The following VDAC1 variants were observed in gnomAD, a reference collection of about 807,000 sequenced individuals.
VDAC1 encodes the protein voltage dependent anion channel 1.
A neutral mutation model predicts 34.7 loss-of-function variants in VDAC1; 10 were observed. The observed-to-expected ratio is 0.29, with a 90% CI of 0.18 to 0.49. The LOEUF is 0.49. Ranked by LOEUF, VDAC1 falls within the 20% of genes least tolerant of loss-of-function variation. The probability of loss-of-function intolerance (pLI) is 0.99; values close to 1 mark genes in which losing one functional copy is unlikely to be tolerated. For missense variants in VDAC1, 230 were observed against 347.9 expected, an observed-to-expected ratio of 0.66 and a Z score of 2.69; for synonymous variants, 130 against 136.0, an observed-to-expected ratio of 0.96 and a Z score of 0.30.
At chr5:134,056,219 C>T in the VDAC1 span, among the ~76,000 whole-genome samples, 4 of 137,310 alleles carry the variant, frequency 2.9e-5, no homozygotes, top group Non-Finnish European at 6.1e-5. Context: ...CCAGCCTAGG[C>T]GACAACAGTG....
chr5:134,059,035 A>C, the VDAC1 span, among the ~76,000 whole-genome samples: 1 of 152,234 alleles, frequency 6.6e-6, no homozygotes, highest in African/African-American at 2.4e-5. Context: ...AGAGTGATTC[A>C]GCACTGCCTA....
At chr5:134,057,004 G>T in the VDAC1 span, among the ~76,000 whole-genome samples, 1 of 152,088 alleles carries the variant, frequency 6.6e-6, no homozygotes, top group Non-Finnish European at 1.5e-5. Flanking sequence ...TTTTCTATAT[G>T]AAGTGTTCTC....
chr5:134,017,786 G>A, the VDAC1 span, among the ~76,000 whole-genome samples: 72 of 152,168 alleles, frequency 4.7e-4, no homozygotes, highest in African/African-American at 1.6e-3. Flanking sequence ...AGTGGCAGGC[G>A]ACTGTAGTCC....
chr5:134,006,594 C>T (rs1271168376), upstream of VDAC1, among the ~76,000 whole-genome samples: 1 of 151,650 alleles, frequency 6.6e-6, no homozygotes, highest in African/African-American at 2.4e-5. Flanking sequence ...AATACAAAAA[C>T]TAGACGGGCG....
the VDAC1 span, among the ~76,000 whole-genome samples, chr5:134,064,301 T>G: frequency 6.6e-6 from 1 of 151,934 alleles, no homozygotes; most frequent in Non-Finnish European, 1.5e-5. Flanking sequence ...TGTTTTTTTG[T>G]TTTTTGGGGT....
the VDAC1 span, among the ~76,000 whole-genome samples, chr5:134,074,985 T>G: frequency 6.6e-6 from 1 of 152,152 alleles, no homozygotes; most frequent in Admixed American, 6.5e-5. Context: ...ATAACTTTGC[T>G]CAGTGGTACA....
intron 1 of VDAC1, among the ~76,000 whole-genome samples, chr5:134,002,974 A>G (rs1251443179): frequency 6.6e-6 from 1 of 151,922 alleles, no homozygotes; most frequent in African/African-American, 2.4e-5. Context: ...TCAAAAAAAA[A>G]AAAAGTCCAG....
the VDAC1 span, among the ~76,000 whole-genome samples, chr5:134,059,619 C>A: frequency 2.6e-5 from 4 of 152,068 alleles, no homozygotes; most frequent in African/African-American, 9.7e-5. Context: ...AGCACACCCC[C>A]GAGCCATTTG....
chr5:134,056,019 A>G, the VDAC1 span, among the ~76,000 whole-genome samples: 3 of 151,736 alleles, frequency 2.0e-5, no homozygotes, highest in Non-Finnish European at 2.9e-5. Context: ...CAGGTGAATC[A>G]CCTGAGGTCA....
At chr5:133,989,946 G>C (rs1475702763) in intron 5 of VDAC1, among the ~76,000 whole-genome samples, 1 of 152,240 alleles carries the variant, frequency 6.6e-6, no homozygotes, top group Non-Finnish European at 1.5e-5. Context: ...ACAGGCGTGA[G>C]CCACCACGCC....
chr5:134,085,722 TAAA>T, the VDAC1 span, among the ~76,000 whole-genome samples: 379 of 44,216 alleles, frequency 8.6e-3, 2 homozygotes, highest in African/African-American at 0.029. Flanking sequence ...ACCCCATTTC[TAAA>T]AAAAAAAAAA....
chr5:134,063,555 T>C, the VDAC1 span, among the ~76,000 whole-genome samples: 6 of 152,214 alleles, frequency 3.9e-5, no homozygotes, highest in Admixed American at 3.9e-4. Flanking sequence ...CTTGCTGTAT[T>C]TTGCTGCTTG....
the VDAC1 span, among the ~76,000 whole-genome samples, chr5:134,079,927 T>TA: frequency 6.6e-6 from 1 of 152,226 alleles, no homozygotes; most frequent in Non-Finnish European, 1.5e-5. Context: ...TGTTTGAACT[T>TA]ATGCAGGTAC....
intron 1 of VDAC1, among the ~76,000 whole-genome samples, chr5:134,001,542 C>A (rs1167756293): frequency 6.6e-6 from 1 of 151,822 alleles, no homozygotes; most frequent in African/African-American, 2.4e-5. Context: ...TGGTGAAACC[C>A]CATCTCTACT....
the VDAC1 span, among the ~76,000 whole-genome samples, chr5:134,054,462 T>TTC: frequency 8.4e-6 from 1 of 119,326 alleles, no homozygotes; most frequent in African/African-American, 2.8e-5. Context: ...TCCTTCCTTT[T>TTC]TTTTTTTTTT....
the VDAC1 span, among the ~76,000 whole-genome samples, chr5:134,043,444 G>A: frequency 6.6e-6 from 1 of 152,300 alleles, no homozygotes; most frequent in East Asian, 1.9e-4. Flanking sequence ...TAGACTGCGG[G>A]ACTACCTAAG....
At chr5:134,032,169 C>T in the VDAC1 span, among the ~76,000 whole-genome samples, 1 of 127,132 alleles carries the variant, frequency 7.9e-6, no homozygotes, top group Non-Finnish European at 1.6e-5. Flanking sequence ...TTTGAAGACA[C>T]AGGAAGAGAC....
chr5:133,987,968 T>C (rs1752965823), intron 5 of VDAC1, among the ~76,000 whole-genome samples: 1 of 152,016 alleles, frequency 6.6e-6, no homozygotes, highest in African/African-American at 2.4e-5. Context: ...ATCAGACAAA[T>C]CCAAACTGAG....
intron 1 of VDAC1, among the ~76,000 whole-genome samples, chr5:133,997,279 T>C (rs1275020563): frequency 2.0e-5 from 3 of 152,066 alleles, no homozygotes; most frequent in South Asian, 2.1e-4. Context: ...AAGATGTGTA[T>C]ATGAGGATGC....
Sources: gnomAD v4.1 joint callset for allele counts (sites outside exome capture counted in the v4.1 genomes callset) on GRCh38, gnomAD v4.1.1 for gene constraint, MANE v1.5 for transcripts, NCBI Gene and HGNC (gene_info 2026-07-23, HGNC 2026-07-21) for gene names.